GLIPR2: variants seen among roughly 807,000 people sequenced by gnomAD.
GLIPR2 encodes the protein Golgi-associated plant pathogenesis-related protein 1.
Under a neutral mutation model 20.4 loss-of-function variants are expected in GLIPR2, and 21 were observed. The observed-to-expected ratio is 1.03, with a 90% CI of 0.73 to 1.48. The LOEUF (loss-of-function observed/expected upper bound fraction) is 1.48. Among genes scored for constraint, GLIPR2 ranks in the 40% most tolerant of loss-of-function variants. The pLI is 0.00. For missense variants in GLIPR2, 205 were observed against 200.1 expected (o/e 1.02, Z -0.15); for synonymous variants, 91 against 80.5 (o/e 1.13, Z -0.70).
At chr9:36,156,385 TAAAAAA>T (rs58467311) in intron 4 of GLIPR2, among the ~76,000 whole-genome samples, 952 of 77,708 alleles carry the variant, frequency 0.012, 11 homozygotes, top group African/African-American at 0.033. Flanking sequence ...AAGCCATGTC[TAAAAAA>T]AAAAAAAAAA....
At chr9:36,148,869 A>C (rs901059287) in intron 3 of GLIPR2, among the ~76,000 whole-genome samples, 3 of 152,194 alleles carry the variant, frequency 2.0e-5, no homozygotes, top group African/African-American at 7.2e-5. Flanking sequence ...GGTGCCAGGG[A>C]CACAGAGATG....
chr9:36,156,396 A>AC (rs1206427554), intron 4 of GLIPR2, among the ~76,000 whole-genome samples: 1 of 147,816 alleles, frequency 6.8e-6, no homozygotes, highest in Non-Finnish European at 1.5e-5. Flanking sequence ...AAAAAAAAAA[A>AC]AAAAAAAAAA....
rs1253858949 is a variant in GLIPR2 at position 36,162,822 on chromosome 9, T to C, written c.*300T>C. 1.0e-5 allele frequency: 5 copies of C among 480,868 alleles called. No homozygotes were observed. Among genetic ancestry groups the C allele is most frequent in the African/African-American group, 4.0e-5 (2 of 49,974 alleles). The allele number at this position is 480,868 out of a possible 1,614,324, so 29.8% of individuals were successfully genotyped here. A position where few individuals can be genotyped will look rare whatever the true frequency, so the allele number is the denominator to read the frequency against. ...TTTGTTATTTCTAAGCAAACCTCTT[T>C]TGTACTTTTCTTACTTCTAATATCC... On this transcript the variant is annotated 3_prime_UTR_variant, in exon 5 of 5. Coordinates refer to ENST00000377960, the MANE Select transcript of GLIPR2 (RefSeq NM_022343.4).
chr9:36,147,056 C>T (rs973238146), intron 1 of GLIPR2, among the ~76,000 whole-genome samples: 2 of 152,120 alleles, frequency 1.3e-5, no homozygotes, highest in African/African-American at 4.8e-5. Flanking sequence ...AGATCTTCCC[C>T]ACTCAGACTC....
At chr9:36,152,515 C>T (rs770403562) in intron 4 of GLIPR2, among the ~76,000 whole-genome samples, 1 of 151,842 alleles carries the variant, frequency 6.6e-6, no homozygotes, top group Admixed American at 6.6e-5. Context: ...TTTGGGAGGC[C>T]GAGGTGGGTG....
intron 1 of GLIPR2, chr9:36,141,964 T>G (rs1346383929): frequency 2.3e-6 from 1 of 433,738 alleles, no homozygotes; most frequent in Non-Finnish European, 4.5e-6. Flanking sequence ...CCCAGCCCCT[T>G]CCCTCAGCCC....
At chr9:36,136,701 T>G, upstream of GLIPR2, 1 of 1,066,402 alleles carries the variant, frequency 9.4e-7, no homozygotes, top group Non-Finnish European at 1.2e-6. The surrounding 1 kb of genome is among the most constrained non-coding windows in gnomAD (Gnocchi z 4.3). Context: ...AGCCCGGTCC[T>G]GGGCTCTGGG....
chr9:36,162,263 T>G, intron 4 of GLIPR2, 99 bp from the exon 5 acceptor site: 1 of 1,604,252 alleles, frequency 6.2e-7, no homozygotes, highest in Non-Finnish European at 8.5e-7. Flanking sequence ...GACCTGAGCC[T>G]GGCAAGATGG....
In GLIPR2 at chr9:36,147,042, G is replaced by A. The variant is rs564168215; in HGVS notation, c.14-744G>A. Among the ~76,000 whole-genome samples, 212 of 152,292 alleles carry A rather than the reference G, an allele frequency of 1.4e-3. 2 individuals carry two copies. Among genetic ancestry groups the A allele is most frequent in the African/African-American group, 4.8e-3 (201 of 41,556 alleles). On this transcript the variant is annotated intron_variant, in intron 1 of 4. Coordinates refer to ENST00000377960, the MANE Select transcript of GLIPR2 (RefSeq NM_022343.4). ...ATTAGATGGCACCCACCCACGTTGA[G>A]AGTAGATCTTCCCCACTCAGACTCA...
intron 2 of GLIPR2, 93 bp from the exon 3 acceptor site, chr9:36,148,454 A>G (rs1825436196): frequency 1.2e-6 from 1 of 829,476 alleles, no homozygotes; most frequent in South Asian, 1.5e-5. Flanking sequence ...AGCCCGGGGC[A>G]GGGAAGGAAG....
intron 1 of GLIPR2, among the ~76,000 whole-genome samples, chr9:36,138,195 G>A (rs1373647264): frequency 6.6e-6 from 1 of 152,114 alleles, no homozygotes; most frequent in Non-Finnish European, 1.5e-5. Flanking sequence ...AATTTGTGGA[G>A]AAAATCCACA....
chr9:36,151,462 C>T (rs1004380852), intron 4 of GLIPR2, among the ~76,000 whole-genome samples: 3 of 152,196 alleles, frequency 2.0e-5, no homozygotes, highest in South Asian at 4.1e-4. Flanking sequence ...CCCACCCTTG[C>T]GGCCTCCCTG....
rs749800616 is a variant in GLIPR2 at position 36,162,464 on chromosome 9, C to CG, written c.411dup (p.Asn138GlufsTer5). On this transcript the variant is annotated frameshift_variant, in exon 5 of 5. Transcript: ENST00000377960. LOFTEE classifies it high-confidence loss of function. ...TTTGTGGTGGCCAGATACTTCCCAGCGGGGAATGTTGTCAATGAGGGCTTC... is the reference window on the plus strand; with the variant it reads ...TTTGTGGTGGCCAGATACTTCCCAGCGGGGGAATGTTGTCAATGAGGGCTTC... The CG allele has an allele frequency of 2.0e-5, 33 of 1,613,928 alleles. No individual in the cohort carries two copies. Among genetic ancestry groups the CG allele is most frequent in the Non-Finnish European group, 2.5e-6 (3 of 1,180,022 alleles).
intron 4 of GLIPR2, among the ~76,000 whole-genome samples, chr9:36,160,885 T>C (rs1373547160): frequency 2.6e-5 from 4 of 151,434 alleles, no homozygotes; most frequent in African/African-American, 7.3e-5. Context: ...CTACTAAAAA[T>C]ACAAAAAAAT....
chr9:36,138,099 A>T (rs904494663), intron 1 of GLIPR2, among the ~76,000 whole-genome samples: 29 of 152,214 alleles, frequency 1.9e-4, no homozygotes, highest in African/African-American at 7.0e-4. Flanking sequence ...TAACAGGATG[A>T]CAGATGGTGA....
At chr9:36,138,464 C>A (rs1352843716) in intron 1 of GLIPR2, among the ~76,000 whole-genome samples, 1 of 152,136 alleles carries the variant, frequency 6.6e-6, no homozygotes, top group African/African-American at 2.4e-5. Flanking sequence ...ACCTCATGAT[C>A]TGCCTGCCTC....
At chr9:36,148,273 CT>C (rs1825427470) in intron 2 of GLIPR2, among the ~76,000 whole-genome samples, 1 of 152,070 alleles carries the variant, frequency 6.6e-6, no homozygotes, top group East Asian at 1.9e-4. Context: ...TTGGGGGGCC[CT>C]GCATGGTTTT....
At chr9:36,141,732 C>A (rs1476570399) in intron 1 of GLIPR2, 2 of 433,266 alleles carry the variant, frequency 4.6e-6, no homozygotes, top group Non-Finnish European at 9.2e-6. Flanking sequence ...TGGCTCACTG[C>A]AGCCTCGATC....
At chr9:36,152,802 A>G (rs1825652669) in intron 4 of GLIPR2, among the ~76,000 whole-genome samples, 1 of 147,874 alleles carries the variant, frequency 6.8e-6, no homozygotes, top group African/African-American at 2.5e-5. Context: ...CGTAAGCATC[A>G]GGATACCATT....
Sources: allele counts gnomAD v4.1 joint callset (sites outside exome capture counted in the v4.1 genomes callset), GRCh38; gene constraint gnomAD v4.1.1; non-coding constraint Gnocchi (gnomAD v3.1); transcripts MANE v1.5; gene names NCBI Gene and HGNC (gene_info 2026-07-23, HGNC 2026-07-21).